The following BANK1 variants were observed in gnomAD, a reference collection of about 807,000 sequenced individuals.
BANK1 encodes the protein B cell scaffold protein with ankyrin repeats 1, also known as B-cell scaffold protein with ankyrin repeats.
In BANK1, 95 loss-of-function variants were observed where a neutral mutation model predicts 94.5. The observed-to-expected ratio is 1.00, with a 90% CI of 0.85 to 1.19. The LOEUF is 1.19. BANK1 is among the 50% of genes most tolerant of loss of function. BANK1 has a pLI of 0.00. For synonymous variants in BANK1, 334 were observed against 308.4 expected (o/e 1.08, Z -0.87); for missense variants, 987 against 932.2 (o/e 1.06, Z -0.77).
intron 1 of BANK1, among the ~76,000 whole-genome samples, chr4:101,795,854 T>G (rs1352493793): frequency 6.6e-6 from 1 of 152,184 alleles, no homozygotes; most frequent in Non-Finnish European, 1.5e-5. Context: ...ATTATTCAGA[T>G]TCCCAGAAAC....
chr4:101,868,721 AAATT>A (rs1272829949), intron 4 of BANK1, among the ~76,000 whole-genome samples: 3 of 152,064 alleles, frequency 2.0e-5, no homozygotes, highest in South Asian at 4.1e-4. Context: ...TAGTGAACCA[AAATT>A]AAAGTTAAAT....
intron 5 of BANK1, among the ~76,000 whole-genome samples, chr4:101,883,840 T>G (rs1249541019): frequency 6.6e-6 from 1 of 152,182 alleles, no homozygotes; most frequent in Non-Finnish European, 1.5e-5. Context: ...TTAGAGAAAA[T>G]TAGACGATCT....
chr4:102,054,429 A>C (rs968913287), intron 11 of BANK1, among the ~76,000 whole-genome samples: 3 of 152,100 alleles, frequency 2.0e-5, no homozygotes, highest in Non-Finnish European at 4.4e-5. Flanking sequence ...CATTTTATAG[A>C]CAAAGAAACT....
chr4:102,061,551 C>T (rs1293232981), intron 12 of BANK1: 1 of 152,190 alleles, frequency 6.6e-6, no homozygotes, highest in Non-Finnish European at 1.5e-5. Flanking sequence ...TAGGTGCAGA[C>T]CTACAAATCA....
At chr4:102,037,524 G>C (rs1560701635) in intron 10 of BANK1, among the ~76,000 whole-genome samples, 1 of 152,154 alleles carries the variant, frequency 6.6e-6, no homozygotes, top group South Asian at 2.1e-4. Flanking sequence ...ATCTAAATAA[G>C]TAGCTCTTCG....
At chr4:102,023,743 A>G (rs1024589389) in intron 8 of BANK1, among the ~76,000 whole-genome samples, 14 of 152,216 alleles carry the variant, frequency 9.2e-5, no homozygotes, top group Non-Finnish European at 1.9e-4. Flanking sequence ...GTATTAAGAA[A>G]CACTGAATAT....
At chr4:101,857,962 T>C (rs1267361667) in intron 3 of BANK1, among the ~76,000 whole-genome samples, 3 of 152,308 alleles carry the variant, frequency 2.0e-5, no homozygotes, top group African/African-American at 7.2e-5. Flanking sequence ...TGTGGGTCAA[T>C]TGACCATGAG....
At chr4:101,791,272 T>C (rs1286654973) in intron 1 of BANK1, among the ~76,000 whole-genome samples, 1 of 150,376 alleles carries the variant, frequency 6.6e-6, no homozygotes. Context: ...TAAAATCACT[T>C]TGCAACCTGT....
chr4:101,819,569 G>A (rs1726059639), intron 1 of BANK1, among the ~76,000 whole-genome samples: 1 of 152,080 alleles, frequency 6.6e-6, no homozygotes, highest in Admixed American at 6.5e-5. Context: ...AGGACCCTCA[G>A]ATCAATTAGA....
intron 7 of BANK1, among the ~76,000 whole-genome samples, chr4:101,943,664 G>A (rs1244555340): frequency 6.6e-6 from 1 of 151,876 alleles, no homozygotes; most frequent in East Asian, 1.9e-4. Flanking sequence ...ATGCTAGTAG[G>A]CAGTTCTGGG....
At chr4:101,988,021 G>A (rs573542952) in intron 7 of BANK1, among the ~76,000 whole-genome samples, 1 of 152,230 alleles carries the variant, frequency 6.6e-6, no homozygotes, top group East Asian at 1.9e-4. Context: ...AAGAGCAGAG[G>A]CCTGGTGCAC....
At chr4:101,835,737 T>C (rs1269750167) in intron 2 of BANK1, among the ~76,000 whole-genome samples, 1 of 152,222 alleles carries the variant, frequency 6.6e-6, no homozygotes, top group Non-Finnish European at 1.5e-5. Flanking sequence ...TGAGATGTTG[T>C]AGCCTTTCAA....
chr4:101,873,734 A>T (rs768687258), intron 5 of BANK1, among the ~76,000 whole-genome samples: 2 of 152,164 alleles, frequency 1.3e-5, no homozygotes, highest in Non-Finnish European at 2.9e-5. Flanking sequence ...AATTTCCAGA[A>T]CATCACTTAA....
intron 7 of BANK1, among the ~76,000 whole-genome samples, chr4:101,945,991 A>C (rs181817966): frequency 6.6e-6 from 1 of 152,092 alleles, no homozygotes; most frequent in Non-Finnish European, 1.5e-5. Context: ...GCTCCTTTAA[A>C]AGTAACACAG....
chr4:101,875,425 G>A (rs369168891), intron 5 of BANK1, among the ~76,000 whole-genome samples: 1 of 152,282 alleles, frequency 6.6e-6, no homozygotes, highest in Non-Finnish European at 1.5e-5. Context: ...GGCGGGAGAG[G>A]CCTCAGGAAA....
chr4:101,854,907 A>T (rs972378798), intron 2 of BANK1, 128 bp from the exon 3 acceptor site: 1 of 618,136 alleles, frequency 1.6e-6, no homozygotes, highest in Non-Finnish European at 2.8e-6. Context: ...CAATTATTTC[A>T]GCTATCTTAA....
intron 2 of BANK1, among the ~76,000 whole-genome samples, chr4:101,850,795 T>C (rs1727444996): frequency 6.6e-6 from 1 of 152,226 alleles, no homozygotes; most frequent in Non-Finnish European, 1.5e-5. Flanking sequence ...AAATGATCTT[T>C]GGTGTTACCA....
chr4:101,987,706 T>G (rs1290324071), intron 7 of BANK1, among the ~76,000 whole-genome samples: 1 of 152,172 alleles, frequency 6.6e-6, no homozygotes, highest in Non-Finnish European at 1.5e-5. Context: ...GCAGAAATCT[T>G]ATTCTACCTC....
rs79270509 is a variant in BANK1, at chr4:102,063,206, G to T, written c.2212+68G>T. 5,678 of 1,397,430 alleles carry T rather than the reference G, an allele frequency of 4.1e-3. 167 individuals carry two copies. The East Asian group carries it at 0.057, about 14-fold the overall frequency. The allele number at this position is 1,397,430 out of a possible 1,614,324, so 86.6% of individuals were successfully genotyped here. A position where few individuals can be genotyped will look rare whatever the true frequency, so the allele number is the denominator to read the frequency against. On this transcript the variant is annotated intron_variant, in intron 13 of 16. Coordinates refer to ENST00000322953, the MANE Select transcript of BANK1 (RefSeq NM_017935.5). ...ACGTTGAAAATTCAAGGACTGTGGAGATGATTGGGCCTGAGTTCAAATCTA... is the reference window on the plus strand; with the variant it reads ...ACGTTGAAAATTCAAGGACTGTGGATATGATTGGGCCTGAGTTCAAATCTA...
Sources: allele counts gnomAD v4.1 joint callset (sites outside exome capture counted in the v4.1 genomes callset), GRCh38; gene constraint gnomAD v4.1.1; transcripts MANE v1.5; gene names NCBI Gene and HGNC (gene_info 2026-07-23, HGNC 2026-07-21).